The following B4GALNT2 variants were observed in gnomAD, a reference collection of about 807,000 sequenced individuals.
B4GALNT2 encodes N-acetylneuraminylgalactosylglucosyl-glucoside beta-1,4-N- acetylgalactosaminyltransferase 2.
Under a neutral mutation model 51.1 loss-of-function variants are expected in B4GALNT2, and 42 were observed. That is an observed-to-expected ratio of 0.82 (90% CI 0.64 to 1.06). The LOEUF (loss-of-function observed/expected upper bound fraction) is 1.06, where lower values mean the gene tolerates loss of function less well. Among genes scored for constraint, B4GALNT2 ranks in the 50% least tolerant of loss-of-function variants. The pLI, the probability that B4GALNT2 is intolerant of heterozygous loss-of-function variation, is 0.00. For missense variants in B4GALNT2, 602 were observed against 633.6 expected, an observed-to-expected ratio of 0.95 and a Z score of 0.54; for synonymous variants, 253 against 251.7, an observed-to-expected ratio of 1.01 and a Z score of -0.05.
At chr17:49,143,767 ACAT>A (rs1398494834) in intron 3 of B4GALNT2, among the ~76,000 whole-genome samples, 1 of 152,202 alleles carries the variant, frequency 6.6e-6, no homozygotes, top group Non-Finnish European at 1.5e-5. Context: ...GCTTCTTGCT[ACAT>A]CATAACATGG....
At chr17:49,163,361 C>T (rs1009553416) in intron 7 of B4GALNT2, among the ~76,000 whole-genome samples, 1 of 152,090 alleles carries the variant, frequency 6.6e-6, no homozygotes, top group Non-Finnish European at 1.5e-5. Context: ...ATGGTAGAAG[C>T]AAGTCTCAAG....
intron 3 of B4GALNT2, chr17:49,148,673 G>T: frequency 1.8e-6 from 1 of 562,832 alleles, no homozygotes; most frequent in South Asian, 2.2e-5. Flanking sequence ...CAACCTTCAT[G>T]ACATGAAGGT....
chr17:49,146,838 A>G (rs1433416549), intron 3 of B4GALNT2, among the ~76,000 whole-genome samples: 1 of 152,174 alleles, frequency 6.6e-6, no homozygotes, highest in Non-Finnish European at 1.5e-5. Context: ...TACTTCTAAG[A>G]TTGGGCTCTC....
At chr17:49,148,485 C>A (rs1300745538) in intron 3 of B4GALNT2, 3 of 304,620 alleles carry the variant, frequency 9.8e-6, no homozygotes, top group Admixed American at 4.1e-5. Flanking sequence ...ACCCTCCAGA[C>A]CTTCAGGCAG....
At chr17:49,125,600 T>C in the B4GALNT2 span, among the ~76,000 whole-genome samples, 76,717 of 148,544 alleles carry the variant, frequency 0.52, 19,959 homozygotes, top group Middle Eastern at 0.65. Flanking sequence ...TCTGCCCGGC[T>C]GCCCGTCGTC....
chr17:49,161,124 A>G (rs1348404122), intron 7 of B4GALNT2, among the ~76,000 whole-genome samples: 1 of 152,016 alleles, frequency 6.6e-6, no homozygotes, highest in African/African-American at 2.4e-5. Context: ...AAAATACACA[A>G]ATTAGCTGGG....
At chr17:49,151,466 G>T (rs1218077527) in intron 3 of B4GALNT2, among the ~76,000 whole-genome samples, 1 of 151,894 alleles carries the variant, frequency 6.6e-6, no homozygotes, top group Non-Finnish European at 1.5e-5. Context: ...GATTGTTATT[G>T]GCCGGGTGTG....
chr17:49,146,761 C>T (rs1275964821), intron 3 of B4GALNT2, among the ~76,000 whole-genome samples: 1 of 152,210 alleles, frequency 6.6e-6, no homozygotes, highest in Non-Finnish European at 1.5e-5. Context: ...TCTATGAGAG[C>T]TAAACTGTCC....
chr17:49,168,565 G>A lies in B4GALNT2; in HGVS notation c.1096-116G>A, dbSNP rs867155724. The A allele has an allele frequency of 1.8e-5, 18 of 1,028,006 alleles. 1 individual carries two copies. The African/African-American group carries it at 2.6e-4, about 15-fold the overall frequency. The allele number at this position is 1,028,006 out of a possible 1,614,324, so 63.7% of individuals were successfully genotyped here. On this transcript the variant is annotated intron_variant, in intron 9 of 10. Transcript: ENST00000393354. ...TAACTGAGGGATAATTTGAAGGATA[G>A]ACAGAGAAATAACAATTCTTGTTAT...
intron 3 of B4GALNT2, among the ~76,000 whole-genome samples, chr17:49,145,489 A>T (rs2042686205): frequency 6.6e-6 from 1 of 152,258 alleles, no homozygotes; most frequent in African/African-American, 2.4e-5. Context: ...TGACAATTAC[A>T]GTCCTCATTT....
chr17:49,168,891 GC>G lies in B4GALNT2; in HGVS notation c.1307del (p.Ala436ValfsTer10), dbSNP rs2042936145. 6.2e-7 allele frequency: 1 copy of G among 1,612,048 alleles called. No homozygotes were observed. Among genetic ancestry groups the G allele is most frequent in the Admixed American group, 1.7e-5 (1 of 59,956 alleles). ...CTTTGATCCCCGCCTGCAACGAGTG[GC>G]TCACTCAGGTGGGAAGGCTGAAAGA... is the stretch of plus-strand genomic sequence containing the variant. Reference protein sequence around the residue: ...VGFDPRLQRVAHSEFFIDGLG... With the variant: ...VGFDPRLQRVXHSEFFIDGLG... On this transcript the variant is annotated frameshift_variant, in exon 10 of 11. Coordinates refer to ENST00000393354, the MANE Select transcript of B4GALNT2 (RefSeq NM_001159387.2). LOFTEE classifies it low-confidence loss of function (END_TRUNC).
chr17:49,132,721 AG>A, upstream of B4GALNT2: 1 of 1,367,664 alleles, frequency 7.3e-7, no homozygotes. Context: ...GGTCGGTGCC[AG>A]GGCGGGGCAG....
Position 49,159,071 on chromosome 17 carries a change from C to A in B4GALNT2, c.533C>A (p.Thr178Asn), listed in dbSNP as rs1218485716. 1.2e-6 allele frequency: 2 copies of A among 1,614,120 alleles called. No individual in the cohort carries two copies. Among genetic ancestry groups the A allele is most frequent in the African/African-American group, 2.7e-5 (2 of 74,938 alleles). ...ACAGCTTCTCTGGGGACACTGAACACCCTTGCTGATGTCCCAGACAGTGTG... is the reference window on the plus strand; with the variant it reads ...ACAGCTTCTCTGGGGACACTGAACAACCTTGCTGATGTCCCAGACAGTGTG... Reference protein sequence around the residue: ...TLTASLGTLNTLADVPDSVVQ... With the variant: ...TLTASLGTLNNLADVPDSVVQ... Residue 178 changes from threonine to asparagine, a missense_variant, in exon 6 of 11, where the codon ACC becomes AAC. By Grantham distance (65) the Thr-to-Asn change is moderately conservative. Transcript: ENST00000393354.
chr17:49,128,274 A>G (rs552014576), upstream of B4GALNT2, among the ~76,000 whole-genome samples: 105 of 152,284 alleles, frequency 6.9e-4, no homozygotes, highest in African/African-American at 2.3e-3. Flanking sequence ...GGCAGAGATG[A>G]TTTGACTGGA....
intron 1 of B4GALNT2, among the ~76,000 whole-genome samples, chr17:49,137,030 T>G (rs769715121): frequency 5.3e-5 from 8 of 152,066 alleles, no homozygotes; most frequent in Non-Finnish European, 1.5e-5. Flanking sequence ...ATGTAATATA[T>G]CAGATGTCTG....
chr17:49,167,472 T>G (rs917947766), intron 9 of B4GALNT2, among the ~76,000 whole-genome samples: 2 of 152,188 alleles, frequency 1.3e-5, no homozygotes, highest in Admixed American at 6.5e-5. Context: ...TTTTTATTTT[T>G]ATAGATTGAG....
chr17:49,146,228 C>T (rs1167654521), intron 3 of B4GALNT2, among the ~76,000 whole-genome samples: 2 of 152,232 alleles, frequency 1.3e-5, no homozygotes, highest in Non-Finnish European at 2.9e-5. Context: ...TTCCACCGTT[C>T]TATCAATCCA....
intron 3 of B4GALNT2, 109 bp downstream of exon 3, chr17:49,142,281 G>T: frequency 2.9e-6 from 4 of 1,390,938 alleles, no homozygotes; most frequent in Non-Finnish European, 2.0e-6. Flanking sequence ...TCTCTCTCTT[G>T]CAAGGGTCCC....
intron 3 of B4GALNT2, among the ~76,000 whole-genome samples, chr17:49,144,904 A>C (rs372010168): frequency 7.5e-4 from 115 of 152,354 alleles, no homozygotes; most frequent in Middle Eastern, 3.4e-3. Context: ...AAGAAGCTGG[A>C]GTCCAATGTT....
Sources: gnomAD v4.1 joint callset for allele counts (sites outside exome capture counted in the v4.1 genomes callset) on GRCh38, gnomAD v4.1.1 for gene constraint, MANE v1.5 for transcripts, NCBI Gene and HGNC (gene_info 2026-07-23, HGNC 2026-07-21) for gene names.